ZNF385B: variants seen among roughly 807,000 people sequenced by gnomAD.
The protein encoded by ZNF385B is zinc finger protein 385B.
Under a neutral mutation model 39.2 loss-of-function variants are expected in ZNF385B, and 23 were observed. That is an observed-to-expected ratio of 0.59 (90% CI 0.42 to 0.83). ZNF385B has a LOEUF of 0.83. Among genes scored for constraint, ZNF385B ranks in the 40% least tolerant of loss-of-function variants. The pLI is 0.00. For missense variants in ZNF385B, 552 were observed against 598.9 expected (o/e 0.92, Z 0.82); for synonymous variants, 205 against 222.6 (o/e 0.92, Z 0.70).
intron 3 of ZNF385B, among the ~76,000 whole-genome samples, chr2:179,557,164 G>T (rs1246051448): frequency 2.0e-5 from 3 of 149,088 alleles, no homozygotes; most frequent in Admixed American, 6.7e-5. Flanking sequence ...ACCAAACCTA[G>T]AGCTCACTGC....
intron 3 of ZNF385B, among the ~76,000 whole-genome samples, chr2:179,651,790 G>T (rs187781112): frequency 1.3e-5 from 2 of 152,092 alleles, no homozygotes; most frequent in Non-Finnish European, 2.9e-5. Flanking sequence ...ATGATGAGCT[G>T]GTGTTAACAA....
At chr2:179,612,631 G>C (rs183339957) in intron 3 of ZNF385B, among the ~76,000 whole-genome samples, 246 of 152,256 alleles carry the variant, frequency 1.6e-3, no homozygotes, top group African/African-American at 5.6e-3. Context: ...TGGGGGATGG[G>C]TGACACAAGC....
Position 179,464,506 on chromosome 2 carries a change from A to T in ZNF385B, c.716-17736T>A, listed in dbSNP as rs1574272084. Among the ~76,000 whole-genome samples the T allele has an allele frequency of 2.0e-5, 3 of 152,246 alleles. No individual in the cohort carries two copies. In the South Asian group the frequency reaches 6.2e-4, roughly 32 times the overall value. Reference sequence around the variant, plus strand: ...GGTCTTATGTTTAAGTCTTTGATCCATCTTGAGTTGATTTTTGTATAAGGT... The same window carrying T: ...GGTCTTATGTTTAAGTCTTTGATCCTTCTTGAGTTGATTTTTGTATAAGGT... On this transcript the variant is annotated intron_variant, in intron 6 of 9. Transcript: ENST00000410066.
At chr2:179,746,940 A>G (rs1279054069) in intron 3 of ZNF385B, among the ~76,000 whole-genome samples, 2 of 152,182 alleles carry the variant, frequency 1.3e-5, no homozygotes, top group African/African-American at 4.8e-5. Flanking sequence ...AAAATCACAA[A>G]AGTAAACTGG....
intron 3 of ZNF385B, among the ~76,000 whole-genome samples, chr2:179,558,898 C>T (rs2061135902): frequency 6.6e-6 from 1 of 152,094 alleles, no homozygotes; most frequent in African/African-American, 2.4e-5. Context: ...CCTATGGAAA[C>T]CTGGTATGGG....
chr2:179,777,699 T>C lies in ZNF385B; in HGVS notation c.-154-7027A>G, dbSNP rs991847654. Among the ~76,000 whole-genome samples the C allele has an allele frequency of 2.0e-5, 3 of 151,992 alleles. No individual in the cohort carries two copies. The South Asian group carries it at 6.2e-4, about 32-fold the overall frequency. The stretch of plus-strand genomic sequence containing the variant: ...ACCAGCTTTGCTACCTCTAAATAAA[T>C]TATTACCTCAAAGAGATAATTAAGT... On this transcript the variant is annotated intron_variant, in intron 1 of 9. Transcript: ENST00000410066.
intron 5 of ZNF385B, among the ~76,000 whole-genome samples, chr2:179,489,303 G>A (rs898918025): frequency 6.6e-6 from 1 of 152,180 alleles, no homozygotes; most frequent in South Asian, 2.1e-4. Context: ...AGGTTGCTAC[G>A]TTGTGCTACC....
intron 5 of ZNF385B, among the ~76,000 whole-genome samples, chr2:179,508,642 C>T (rs1417384590): frequency 6.6e-6 from 1 of 152,072 alleles, no homozygotes; most frequent in Admixed American, 6.6e-5. Flanking sequence ...GGAAATGTAC[C>T]AAAACTTGCA....
At chr2:179,656,137 G>A (rs1693737033) in intron 3 of ZNF385B, among the ~76,000 whole-genome samples, 2 of 152,058 alleles carry the variant, frequency 1.3e-5, no homozygotes, top group African/African-American at 4.8e-5. Flanking sequence ...ACCTTTACCT[G>A]CTAAATCTAG....
intron 6 of ZNF385B, among the ~76,000 whole-genome samples, chr2:179,457,980 G>C (rs1421891556): frequency 1.3e-5 from 2 of 152,200 alleles, no homozygotes; most frequent in African/African-American, 4.8e-5. Flanking sequence ...CCCTGAGCCA[G>C]TGCTCTTATT....
chr2:179,568,557 T>C (rs1291056433), intron 3 of ZNF385B, among the ~76,000 whole-genome samples: 3 of 152,240 alleles, frequency 2.0e-5, no homozygotes, highest in African/African-American at 7.2e-5. Flanking sequence ...AGTGTTATTT[T>C]TTCCCTCAGT....
chr2:179,561,266 A>C (rs1286447131), intron 3 of ZNF385B, among the ~76,000 whole-genome samples: 1 of 152,220 alleles, frequency 6.6e-6, no homozygotes, highest in East Asian at 1.9e-4. Context: ...ATAGAAAACA[A>C]AGGCCATGAT....
intron 3 of ZNF385B, among the ~76,000 whole-genome samples, chr2:179,641,161 A>G (rs1692233071): frequency 6.6e-6 from 1 of 151,446 alleles, no homozygotes; most frequent in Admixed American, 6.6e-5. Flanking sequence ...GCTGCTTTAC[A>G]GAGATTTGAT....
intron 3 of ZNF385B, among the ~76,000 whole-genome samples, chr2:179,730,210 C>T (rs754437183): frequency 2.0e-5 from 3 of 152,102 alleles, no homozygotes; most frequent in Admixed American, 6.6e-5. Flanking sequence ...AGTTTATGCC[C>T]GGGTCCTGGC....
chr2:179,699,628 A>G (rs1167287004), intron 3 of ZNF385B, among the ~76,000 whole-genome samples: 2 of 152,240 alleles, frequency 1.3e-5, no homozygotes, highest in African/African-American at 2.4e-5. Context: ...TATAAACAGT[A>G]CATGACACCC....
At chr2:179,494,501 T>G (rs2055941446) in intron 5 of ZNF385B, among the ~76,000 whole-genome samples, 1 of 152,186 alleles carries the variant, frequency 6.6e-6, no homozygotes, top group African/African-American at 2.4e-5. Flanking sequence ...TAACGGATAT[T>G]TATAATTTTT....
rs11435978 is a variant in ZNF385B at position 179,760,050 on chromosome 2, AT to A, written c.298+9452del. 5.6e-3 allele frequency among the ~76,000 whole-genome samples: 811 copies of A among 145,012 alleles called. 5 individuals carry two copies. Among genetic ancestry groups the A allele is most frequent in the African/African-American group, 0.016 (637 of 39,352 alleles). On this transcript the variant is annotated intron_variant, in intron 3 of 9. Transcript: ENST00000410066. ...TGCCCAGCTTCTACCCATAGTAAAA[AT>A]TTTTTTTTTTTTTTTGAGACGGAGT...
intron 6 of ZNF385B, among the ~76,000 whole-genome samples, chr2:179,459,999 G>C (rs988735784): frequency 2.0e-5 from 3 of 151,968 alleles, no homozygotes; most frequent in Non-Finnish European, 4.4e-5. Context: ...AGCTACTAGG[G>C]GGGCTGAGGC....
At chr2:179,527,862 T>A (rs2059006328) in intron 4 of ZNF385B, among the ~76,000 whole-genome samples, 1 of 152,126 alleles carries the variant, frequency 6.6e-6, no homozygotes. Context: ...ATATCCAACA[T>A]TCTAGTTGGG....
Sources: gnomAD v4.1 joint callset for allele counts (sites outside exome capture counted in the v4.1 genomes callset) on GRCh38, gnomAD v4.1.1 for gene constraint, MANE v1.5 for transcripts, NCBI Gene and HGNC (gene_info 2026-07-23, HGNC 2026-07-21) for gene names.